Variants in PGM5 observed in about 807,000 individuals in gnomAD.
PGM5 encodes the protein phosphoglucomutase 5.
A neutral mutation model predicts 59.2 loss-of-function variants in PGM5; 23 were observed. That is an observed-to-expected ratio of 0.39 (90% CI 0.28 to 0.55). The LOEUF is 0.55. PGM5 is among the 20% of genes least tolerant of loss of function. The probability of loss-of-function intolerance (pLI) is 0.66; values close to 1 mark genes in which losing one functional copy is unlikely to be tolerated. For synonymous variants in PGM5, 214 were observed against 286.0 expected, an observed-to-expected ratio of 0.75 and a Z score of 2.54; for missense variants, 574 against 748.3, an observed-to-expected ratio of 0.77 and a Z score of 2.72.
rs1587786565 is a variant in PGM5, at chr9:68,389,886, A to G, written c.698-1648A>G. On this transcript the variant is annotated intron_variant, in intron 4 of 10. Coordinates refer to ENST00000396396, the MANE Select transcript of PGM5 (RefSeq NM_021965.4). ...TGCATGAGGGCTCCAGTTTACCTGT[A>G]TCTTCACCAATACTTGGTACTGTCA... 2.0e-5 allele frequency among the ~76,000 whole-genome samples: 3 copies of G among 152,114 alleles called. No homozygotes were observed. The South Asian group carries it at 6.2e-4, about 32-fold the overall frequency.
intron 6 of PGM5, among the ~76,000 whole-genome samples, chr9:68,439,980 T>G (rs190519937): frequency 3.9e-5 from 6 of 152,280 alleles, no homozygotes; most frequent in Non-Finnish European, 7.4e-5. Context: ...CTGCAAAGTC[T>G]TTGAAAACTG....
chr9:68,376,524 T>TG (rs1554677681), intron 1 of PGM5, among the ~76,000 whole-genome samples: 1 of 148,662 alleles, frequency 6.7e-6, no homozygotes, highest in East Asian at 2.0e-4. Flanking sequence ...TGTGTGTGTG[T>TG]TTTGATCTCT....
At chr9:68,477,947 C>T (rs1024695390) in intron 7 of PGM5, among the ~76,000 whole-genome samples, 5 of 152,194 alleles carry the variant, frequency 3.3e-5, no homozygotes, top group Admixed American at 1.3e-4. Flanking sequence ...ACAACAATGC[C>T]GCAAAATGGG....
At chr9:68,381,649 CACACACACACAA>C (rs1353279946) in intron 2 of PGM5, among the ~76,000 whole-genome samples, 1 of 151,224 alleles carries the variant, frequency 6.6e-6, no homozygotes, top group Admixed American at 6.6e-5. Flanking sequence ...TGCACACACA[CACACACACACAA>C]ACACACACAC....
chr9:68,510,762 T>G (rs1339573424), intron 10 of PGM5, among the ~76,000 whole-genome samples: 1 of 152,142 alleles, frequency 6.6e-6, no homozygotes, highest in Admixed American at 6.5e-5. Context: ...GTTTTATACA[T>G]TTTAGGAAGA....
At chr9:68,507,682 T>A (rs1438451416) in intron 10 of PGM5, among the ~76,000 whole-genome samples, 1 of 152,106 alleles carries the variant, frequency 6.6e-6, no homozygotes, top group African/African-American at 2.4e-5. Context: ...TATGGCTGTG[T>A]TTTCATAACT....
chr9:68,373,752 C>G (rs1271432939), intron 1 of PGM5, among the ~76,000 whole-genome samples: 2 of 152,148 alleles, frequency 1.3e-5, no homozygotes, highest in Admixed American at 1.3e-4. Flanking sequence ...AATGTTATTT[C>G]TCACTCACAC....
rs556306090 is a variant in PGM5, at chr9:68,450,501, G to A, written c.1044-14592G>A. On this transcript the variant is annotated intron_variant, in intron 6 of 10. Transcript: ENST00000396396. ...ATGTTTTACAGCTTGCCAAAAAGAG[G>A]GGGAAACACTGTCCAAGCTTGTTTG... Among the ~76,000 whole-genome samples the A allele has an allele frequency of 5.3e-5, 8 of 152,320 alleles. No homozygotes were observed. In the East Asian group the frequency reaches 1.2e-3, roughly 22 times the overall value.
chr9:68,519,355 C>T (rs1205111871), intron 10 of PGM5, among the ~76,000 whole-genome samples: 2 of 152,110 alleles, frequency 1.3e-5, no homozygotes, highest in African/African-American at 2.4e-5. Context: ...TTAAATTATA[C>T]AACCACAGTA....
intron 6 of PGM5, among the ~76,000 whole-genome samples, chr9:68,399,593 G>T (rs1205564168): frequency 6.7e-6 from 1 of 149,910 alleles, no homozygotes; most frequent in Non-Finnish European, 1.5e-5. Context: ...GAGAAATTTG[G>T]GAGTTTCCTT....
At chr9:68,484,203 C>A (rs767607916) in intron 9 of PGM5, among the ~76,000 whole-genome samples, 155 bp downstream of exon 9, 1 of 151,976 alleles carries the variant, frequency 6.6e-6, no homozygotes, top group Non-Finnish European at 1.5e-5. Flanking sequence ...TGATGAAGGA[C>A]ACCTAACAAG....
At chr9:68,374,764 G>T (rs1453395133) in intron 1 of PGM5, among the ~76,000 whole-genome samples, 2 of 152,156 alleles carry the variant, frequency 1.3e-5, no homozygotes, top group African/African-American at 2.4e-5. Context: ...GATATTTATT[G>T]TATACTTACC....
chr9:68,505,436 T>C (rs1824638734), intron 10 of PGM5, among the ~76,000 whole-genome samples: 1 of 152,226 alleles, frequency 6.6e-6, no homozygotes, highest in African/African-American at 2.4e-5. Flanking sequence ...AGATTGCTCC[T>C]ACTAGGAATG....
At chr9:68,506,489 A>G (rs2132110089) in intron 10 of PGM5, among the ~76,000 whole-genome samples, 2 of 152,334 alleles carry the variant, frequency 1.3e-5, no homozygotes, top group South Asian at 2.1e-4. Flanking sequence ...TAATTTGTTT[A>G]AGGTTTTTCC....
At chr9:68,392,230 G>C in intron 5 of PGM5, 89 bp from the exon 6 acceptor site, 2 of 1,506,766 alleles carry the variant, frequency 1.3e-6, no homozygotes, top group Non-Finnish European at 1.8e-6. Context: ...TTAAATATAA[G>C]ATGGCAGTAA....
intron 9 of PGM5, among the ~76,000 whole-genome samples, chr9:68,492,982 C>G (rs1315065590): frequency 2.0e-5 from 3 of 152,322 alleles, no homozygotes; most frequent in African/African-American, 7.2e-5. Flanking sequence ...CGCAGAGTCT[C>G]TCTCTTCCAA....
chr9:68,525,725 A>T (rs1381478201), intron 10 of PGM5, among the ~76,000 whole-genome samples: 1 of 152,220 alleles, frequency 6.6e-6, no homozygotes, highest in Admixed American at 6.5e-5. Flanking sequence ...TAATTTATAC[A>T]CTCAGGGAAG....
rs781899932 is a variant in PGM5, at chr9:68,499,371, C to G, written c.1614+10C>G. 2 of 1,613,530 alleles carry G rather than the reference C, an allele frequency of 1.2e-6. No homozygotes were observed. The highest frequency in any genetic ancestry group is 1.7e-6 in the Non-Finnish European group (2 of 1,179,690). On this transcript the variant is annotated intron_variant, in intron 10 of 10. Transcript: ENST00000396396. The stretch of plus-strand genomic sequence containing the variant: ...TGACCAGGAGCCACAGGTACAGAAA[C>G]AGCTGTGCTCCCAGCAGTGTGTCTC...
At chr9:68,488,124 A>T (rs1416260998) in intron 9 of PGM5, among the ~76,000 whole-genome samples, 1 of 152,154 alleles carries the variant, frequency 6.6e-6, no homozygotes, top group Admixed American at 6.5e-5. Flanking sequence ...AATGAACCAG[A>T]TATGATAAGA....
Sources: allele counts gnomAD v4.1 joint callset (sites outside exome capture counted in the v4.1 genomes callset), GRCh38; gene constraint gnomAD v4.1.1; transcripts MANE v1.5; gene names NCBI Gene and HGNC (gene_info 2026-07-23, HGNC 2026-07-21).